Variants in NPC1L1 observed in about 807,000 individuals in gnomAD.
The protein encoded by NPC1L1 is NPC1 like intracellular cholesterol transporter 1, also known as NPC1-like intracellular cholesterol transporter 1.
In NPC1L1, 98 loss-of-function variants were observed where a neutral mutation model predicts 117.0. The observed-to-expected ratio is 0.84, with a 90% confidence interval of 0.71 to 0.99. NPC1L1 has a LOEUF of 0.99. Ranked by LOEUF, NPC1L1 falls within the 50% of genes least tolerant of loss-of-function variation. NPC1L1 has a pLI of 0.00. For synonymous variants in NPC1L1, 729 were observed against 727.6 expected (o/e 1.00, Z -0.03); for missense variants, 1,540 against 1,710.0 (o/e 0.90, Z 1.75).
intron 11 of NPC1L1, 49 bp from the exon 12 acceptor site, chr7:44,521,885 G>C: frequency 6.2e-7 from 1 of 1,612,632 alleles, no homozygotes; most frequent in Non-Finnish European, 8.5e-7. Context: ...GGGCAGGGTG[G>C]TGGGTCCTTC....
At chr7:44,533,348 C>T in intron 8 of NPC1L1, 83 bp downstream of exon 8, 4 of 1,565,860 alleles carry the variant, frequency 2.6e-6, no homozygotes, top group Non-Finnish European at 3.5e-6. Context: ...TGGGCCATCT[C>T]TGTGGTGGTA....
Position 44,521,716 on chromosome 7 carries a change from G to T in NPC1L1, c.2949C>A (p.Thr983=). ...GPNKDKFCPS[T]VNSLNCLKNC... is the part of the protein sequence containing the mutation. ...TCCCCATGGCCCCACACTCACTGAC[G>T]GTCGAGGGGCAGAACTTGTCCTTAT... is the stretch of plus-strand genomic sequence containing the variant. Residue 983 remains threonine (T), a synonymous_variant, in exon 12 of 19, where the codon ACC becomes ACA. Coordinates refer to ENST00000381160, the MANE Select transcript of NPC1L1 (RefSeq NM_001101648.2). The T allele has an allele frequency of 3.7e-6, 6 of 1,614,100 alleles. No individual in the cohort carries two copies. Among genetic ancestry groups the T allele is most frequent in the South Asian group, 1.1e-5 (1 of 91,072 alleles).
intron 16 of NPC1L1, 64 bp from the exon 17 acceptor site, chr7:44,516,261 G>T: frequency 7.2e-7 from 1 of 1,387,564 alleles, no homozygotes; most frequent in Non-Finnish European, 1.0e-6. Context: ...AGGGAGATGA[G>T]GCCTCCACCA....
chr7:44,540,241 G>A lies in NPC1L1; in HGVS notation c.156C>T (p.Leu52=), dbSNP rs564988408. The change falls in exon 2 of 19, where the codon CTC becomes CTT. Residue 52 remains leucine, a synonymous_variant. Transcript: ENST00000381160. ...NPELSGSLMT[L]SNVSCLSNTP... Reference sequence around the variant, plus strand: ...TGTTGGACAGGCAGGACACGTTGGAGAGTGTCATGAGGCTTCCAGACAGCT... The same window carrying A: ...TGTTGGACAGGCAGGACACGTTGGAAAGTGTCATGAGGCTTCCAGACAGCT... 1.2e-6 allele frequency: 2 copies of A among 1,613,966 alleles called. No homozygotes were observed. The highest frequency in any genetic ancestry group is 1.3e-5 in the African/African-American group (1 of 74,878).
intron 10 of NPC1L1, among the ~76,000 whole-genome samples, chr7:44,526,546 C>CAAAAAA (rs372498105): frequency 1.6e-3 from 108 of 68,326 alleles, no homozygotes; most frequent in African/African-American, 7.3e-3. Context: ...GACTCCATCT[C>CAAAAAA]AAAAAAAAAA....
At chr7:44,515,581 C>T (rs1376276176) in intron 18 of NPC1L1, among the ~76,000 whole-genome samples, 2 of 152,106 alleles carry the variant, frequency 1.3e-5, no homozygotes, top group African/African-American at 2.4e-5. Flanking sequence ...GCCACAGAAA[C>T]GTTGTTTGAG....
rs1801096755 is a variant in NPC1L1 at position 44,513,423 on chromosome 7, GC to G, written c.*23del. On this transcript the variant is annotated 3_prime_UTR_variant, in exon 19 of 19. Coordinates refer to ENST00000381160, the MANE Select transcript of NPC1L1 (RefSeq NM_001101648.2). Reference sequence around the variant, plus strand: ...TAACCCTTTGGTTCAGGGCCATAGAGCCTAGACAGGGCCTCTGGCTGTATCA... The same window carrying G: ...TAACCCTTTGGTTCAGGGCCATAGAGCTAGACAGGGCCTCTGGCTGTATCA... 1.2e-6 allele frequency: 2 copies of G among 1,609,082 alleles called. No homozygotes were observed. Among genetic ancestry groups the G allele is most frequent in the East Asian group, 2.2e-5 (1 of 44,884 alleles).
At position 44,538,283 on chromosome 7, in the gene NPC1L1, C is replaced by T. The variant is rs907489908; in HGVS notation, c.1580+534G>A. On this transcript the variant is annotated intron_variant, in intron 2 of 18. Transcript: ENST00000381160. This position sits in a 1 kb window ranked among gnomAD's most constrained non-coding sequence, Gnocchi z 5.9. ...CACCAGAGTGGACAGAACCAAAGACCGAACCCCAATCAATAGAAGTGTGTG... is the reference window on the plus strand; with the variant it reads ...CACCAGAGTGGACAGAACCAAAGACTGAACCCCAATCAATAGAAGTGTGTG... 1.8e-4 allele frequency among the ~76,000 whole-genome samples: 28 copies of T among 152,306 alleles called. No homozygotes were observed. Among genetic ancestry groups the T allele is most frequent in the Admixed American group, 1.0e-3 (16 of 15,298 alleles).
rs1801882767 is a variant in NPC1L1 at position 44,536,160 on chromosome 7, T to A, written c.1854+96A>T. The A allele has an allele frequency of 6.3e-7, 1 of 1,578,862 alleles. No individual in the cohort carries two copies. The highest frequency in any genetic ancestry group is 8.7e-7 in the Non-Finnish European group (1 of 1,150,892). ...CTGAGCAGGCAGCCACTGCCCAGGG[T>A]CACTTAGGAAGGGCCAGGGCCAGGA... On this transcript the variant is annotated intron_variant, in intron 4 of 18. Transcript: ENST00000381160. The surrounding 1 kb of genome is among the most constrained non-coding windows in gnomAD (Gnocchi z 4.7).
rs774991823 is a variant in NPC1L1 at position 44,539,904 on chromosome 7, C to A, written c.493G>T (p.Ala165Ser). Residue 165 changes from alanine to serine, a missense_variant, in exon 2 of 19, where the codon GCC becomes TCC. Around this residue, in one of 3 missense-constraint regions of NPC1L1, gnomAD observed 793 missense variants for 820.4 expected, o/e 0.97. Transcript: ENST00000381160. The surrounding 1 kb of genome is among the most constrained non-coding windows in gnomAD (Gnocchi z 4.4). ...CTGCAGGAGTCATAGCTCTGCTCGG[C>A]AAAGCTATGCTGGTAGAAGGCCTCA... ...AYEAFYQHSF[A>S]EQSYDSCSRV... The A allele has an allele frequency of 3.1e-6, 5 of 1,614,176 alleles. No individual in the cohort carries two copies. The highest frequency in any genetic ancestry group is 2.2e-5 in the South Asian group (2 of 91,086).
Position 44,522,204 on chromosome 7 carries a change from G to A in NPC1L1, c.2676C>T (p.Arg892=). ...YLLDYFLFLN[R]YFEVGAPVYF... ...ACACCGGGGCCCCCACCTCGAAGTA[G>A]CGGTTCAGAAAGAGGAAATAGTCAA... The change falls in exon 11 of 19, where the codon CGC becomes CGT. Residue 892 remains arginine (R), a synonymous_variant. Coordinates refer to ENST00000381160, the MANE Select transcript of NPC1L1 (RefSeq NM_001101648.2). 1 of 1,613,928 alleles carries A rather than the reference G, an allele frequency of 6.2e-7. No homozygotes were observed. Among genetic ancestry groups the A allele is most frequent in the South Asian group, 1.1e-5 (1 of 91,058 alleles).
Position 44,536,811 on chromosome 7 carries a change from T to C in NPC1L1, c.1681+31A>G. On this transcript the variant is annotated intron_variant, in intron 3 of 18. Transcript: ENST00000381160. The surrounding 1 kb of genome is among the most constrained non-coding windows in gnomAD (Gnocchi z 4.7). ...TTCCTGCCCCAATACTGCATCTTCCTTGGCTTCCTCTCAGGGCCCACTTAG... is the reference window on the plus strand; with the variant it reads ...TTCCTGCCCCAATACTGCATCTTCCCTGGCTTCCTCTCAGGGCCCACTTAG... 1 of 1,569,188 alleles carries C rather than the reference T, an allele frequency of 6.4e-7. No individual in the cohort carries two copies. The highest frequency in any genetic ancestry group is 8.8e-7 in the Non-Finnish European group (1 of 1,139,182).
chr7:44,540,363 A>G (rs1004088024), intron 1 of NPC1L1, 21 bp from the exon 2 acceptor site: 46 of 1,606,886 alleles, frequency 2.9e-5, no homozygotes, highest in Non-Finnish European at 3.7e-5. Context: ...CAGCAACATC[A>G]CGCGTGGGCC....
At chr7:44,526,629 C>G (rs1030543184) in intron 10 of NPC1L1, among the ~76,000 whole-genome samples, 9 of 151,422 alleles carry the variant, frequency 5.9e-5, no homozygotes, top group African/African-American at 2.2e-4. Flanking sequence ...AATCCCAATA[C>G]TTTGGGAGGC....
At position 44,515,801 on chromosome 7, in the gene NPC1L1, A is replaced by G; in HGVS notation, c.3796+2T>C. The G allele has an allele frequency of 6.2e-7, 1 of 1,614,072 alleles. No individual in the cohort carries two copies. Among genetic ancestry groups the G allele is most frequent in the Non-Finnish European group, 8.5e-7 (1 of 1,180,020 alleles). Reference sequence around the variant, plus strand: ...CTGGTAGGAACAGGCCTGGGCACTCACCCACGTAGCTGAGGATGACGGGCA... The same window carrying G: ...CTGGTAGGAACAGGCCTGGGCACTCGCCCACGTAGCTGAGGATGACGGGCA... On this transcript the variant is annotated splice_donor_variant, in intron 18 of 18. Transcript: ENST00000381160. LOFTEE classifies it high-confidence loss of function.
Position 44,522,078 on chromosome 7 carries a change from G to T in NPC1L1, c.2802C>A (p.Ile934=). 6.2e-7 allele frequency: 1 copy of T among 1,614,000 alleles called. No homozygotes were observed. Among genetic ancestry groups the T allele is most frequent in the South Asian group, 1.1e-5 (1 of 91,056 alleles). Residue 934 remains isoleucine (I), a synonymous_variant, in exon 11 of 19, where the codon ATC becomes ATA. Transcript: ENST00000381160. ...GCNNFSFTQK[I]QYATEFPEQS... The stretch of plus-strand genomic sequence containing the variant: ...GCTCAGGGAACTCTGTGGCATACTG[G>T]ATCTTCTGGGTGAAGGAGAAGTTGT...
chr7:44,528,055 C>A (rs926815479), intron 10 of NPC1L1, among the ~76,000 whole-genome samples: 2 of 152,146 alleles, frequency 1.3e-5, no homozygotes, highest in Admixed American at 1.3e-4. Context: ...GACCTCCTGG[C>A]CTCAAGTGAT....
intron 10 of NPC1L1, among the ~76,000 whole-genome samples, chr7:44,523,916 T>C (rs1374091464): frequency 1.3e-5 from 2 of 152,158 alleles, no homozygotes; most frequent in African/African-American, 4.8e-5. Flanking sequence ...GTTCTGATAA[T>C]TGATCATTAC....
At chr7:44,526,529 A>C (rs1160380262) in intron 10 of NPC1L1, among the ~76,000 whole-genome samples, 1 of 148,578 alleles carries the variant, frequency 6.7e-6, no homozygotes, top group Non-Finnish European at 1.5e-5. Context: ...AATCTGGGTG[A>C]CAGTGAGACT....
Sources: gnomAD v4.1 joint callset for allele counts (sites outside exome capture counted in the v4.1 genomes callset) on GRCh38, gnomAD v4.1.1 for gene constraint, gnomAD v4.1.1 regional missense constraint, Gnocchi (gnomAD v3.1) non-coding constraint, MANE v1.5 for transcripts, NCBI Gene and HGNC (gene_info 2026-07-23, HGNC 2026-07-21) for gene names.